Variants in ANO4 observed in about 807,000 individuals in gnomAD.
The protein encoded by ANO4 is anoctamin-4.
ANO4 carries 69 observed loss-of-function variants against 141.9 expected under a neutral mutation model. The ratio of observed to expected loss-of-function variants is 0.49; its 90% CI spans 0.40 to 0.59. The LOEUF (loss-of-function observed/expected upper bound fraction) is 0.59. ANO4 is among the 20% of genes least tolerant of loss of function. ANO4 has a pLI of 0.00. For missense variants in ANO4, 894 were observed against 1,162.2 expected, an observed-to-expected ratio of 0.77 and a Z score of 3.36; for synonymous variants, 350 against 394.3, an observed-to-expected ratio of 0.89 and a Z score of 1.33.
chr12:100,864,211 T>C (rs1205400250), intron 1 of ANO4, among the ~76,000 whole-genome samples: 3 of 152,160 alleles, frequency 2.0e-5, no homozygotes, highest in African/African-American at 4.8e-5. Context: ...AATGCAATAT[T>C]CTAATTGGCC....
At chr12:100,806,363 G>C (rs1025607999) in intron 1 of ANO4, among the ~76,000 whole-genome samples, 1 of 151,936 alleles carries the variant, frequency 6.6e-6, no homozygotes, top group Non-Finnish European at 1.5e-5. Context: ...CTAATCTGCT[G>C]GGTGAAAAGT....
chr12:101,014,088 C>T (rs1409365371), intron 8 of ANO4, among the ~76,000 whole-genome samples: 1 of 152,036 alleles, frequency 6.6e-6, no homozygotes, highest in African/African-American at 2.4e-5. Flanking sequence ...TTTGCATTCC[C>T]CTCTCAAAAT....
intron 17 of ANO4, among the ~76,000 whole-genome samples, chr12:101,090,234 C>A (rs1337597601): frequency 6.6e-6 from 1 of 152,190 alleles, no homozygotes. Context: ...TTGGCCCAGC[C>A]ATCCCATTAC....
intron 8 of ANO4, among the ~76,000 whole-genome samples, chr12:101,002,784 A>G (rs1333658119): frequency 1.3e-5 from 2 of 152,184 alleles, no homozygotes; most frequent in Non-Finnish European, 2.9e-5. Context: ...ACTGTGTTCT[A>G]CACAAAGCCC....
intron 1 of ANO4, among the ~76,000 whole-genome samples, chr12:100,889,330 G>A (rs1280911436): frequency 3.9e-5 from 6 of 151,924 alleles, no homozygotes; most frequent in Non-Finnish European, 7.4e-5. Flanking sequence ...GAATAGTGCC[G>A]CAGTAAACAT....
At chr12:100,921,219 G>C (rs1406519077) in intron 2 of ANO4, among the ~76,000 whole-genome samples, 1 of 152,018 alleles carries the variant, frequency 6.6e-6, no homozygotes, top group East Asian at 1.9e-4. Flanking sequence ...CCCTCCCAAG[G>C]CTTATTTTCT....
rs964870077 is a variant in ANO4 at position 101,001,568 on chromosome 12, T to C, written c.734+13898T>C. On this transcript the variant is annotated intron_variant, in intron 8 of 27. Coordinates refer to ENST00000392977, the MANE Select transcript of ANO4 (RefSeq NM_001286615.2). Reference sequence around the variant, plus strand: ...GGAGTTAGAACCCAAATCTGTCTCATTGCAAACCCATGCTCCTTCCATAAT... The same window carrying C: ...GGAGTTAGAACCCAAATCTGTCTCACTGCAAACCCATGCTCCTTCCATAAT... Among the ~76,000 whole-genome samples, 4 of 152,312 alleles carry C rather than the reference T, an allele frequency of 2.6e-5. No homozygotes were observed. The South Asian group carries it at 6.2e-4, about 24-fold the overall frequency.
chr12:100,997,772 T>A (rs1404065622), intron 8 of ANO4, among the ~76,000 whole-genome samples: 2 of 152,106 alleles, frequency 1.3e-5, no homozygotes, highest in African/African-American at 4.8e-5. Context: ...ATGGGTTGCT[T>A]TTTGACTCTG....
chr12:100,980,375 A>G (rs1013942623), intron 7 of ANO4, among the ~76,000 whole-genome samples: 2 of 152,216 alleles, frequency 1.3e-5, no homozygotes, highest in Non-Finnish European at 2.9e-5. Context: ...TCTTCATTTC[A>G]CATCAGAACA....
At chr12:100,840,983 C>T (rs984559792) in intron 1 of ANO4, among the ~76,000 whole-genome samples, 6 of 152,054 alleles carry the variant, frequency 3.9e-5, no homozygotes, top group African/African-American at 7.2e-5. Context: ...ATGCCTGGAA[C>T]GTTGGTTGAC....
intron 1 of ANO4, among the ~76,000 whole-genome samples, chr12:100,867,677 C>A (rs2038821335): frequency 6.6e-6 from 1 of 152,116 alleles, no homozygotes; most frequent in Admixed American, 6.5e-5. Context: ...CCCCATGGCC[C>A]AGTCAGGTTG....
At chr12:100,945,404 A>C (rs1211396399) in intron 5 of ANO4, among the ~76,000 whole-genome samples, 1 of 152,212 alleles carries the variant, frequency 6.6e-6, no homozygotes, top group Admixed American at 6.5e-5. Context: ...CTGCAATTCA[A>C]CTTTCATAAT....
At chr12:100,911,616 C>A (rs949322620) in intron 2 of ANO4, among the ~76,000 whole-genome samples, 8 of 152,084 alleles carry the variant, frequency 5.3e-5, no homozygotes, top group African/African-American at 1.9e-4. Flanking sequence ...TAATAAAATT[C>A]ATTCCTATTT....
intron 3 of ANO4, among the ~76,000 whole-genome samples, chr12:100,779,746 G>C (rs1453790115): frequency 6.6e-6 from 1 of 152,060 alleles, no homozygotes; most frequent in African/African-American, 2.4e-5. Flanking sequence ...GCCATTGCTT[G>C]TCTGTTCTGT....
intron 1 of ANO4, among the ~76,000 whole-genome samples, chr12:100,798,309 T>C (rs904461812): frequency 6.6e-6 from 1 of 152,174 alleles, no homozygotes; most frequent in Non-Finnish European, 1.5e-5. Context: ...TACCATCTCT[T>C]TGAGCCCCTT....
intron 5 of ANO4, among the ~76,000 whole-genome samples, chr12:100,954,386 T>C (rs766432395): frequency 2.6e-5 from 4 of 152,156 alleles, no homozygotes; most frequent in African/African-American, 7.2e-5. Context: ...TCTCAAAACT[T>C]ACCTGGAGCT....
chr12:100,792,301 A>G (rs2034073483), upstream of ANO4, among the ~76,000 whole-genome samples: 1 of 152,186 alleles, frequency 6.6e-6, no homozygotes, highest in South Asian at 2.1e-4. Flanking sequence ...CAGGTACATA[A>G]TTCAGTTTAT....
At chr12:101,099,859 G>C in intron 22 of ANO4, 139 bp downstream of exon 22, 1 of 621,292 alleles carries the variant, frequency 1.6e-6, no homozygotes, top group Non-Finnish European at 2.5e-6. Context: ...GGCATGTCCT[G>C]CTTAAACTGT....
intron 7 of ANO4, among the ~76,000 whole-genome samples, chr12:100,981,617 G>T (rs980969824): frequency 6.6e-6 from 1 of 152,092 alleles, no homozygotes; most frequent in Admixed American, 6.6e-5. Context: ...TCTTTACTGG[G>T]GAAAAGTAGG....
Sources: allele counts gnomAD v4.1 joint callset (sites outside exome capture counted in the v4.1 genomes callset), GRCh38; gene constraint gnomAD v4.1.1; transcripts MANE v1.5; gene names NCBI Gene and HGNC (gene_info 2026-07-23, HGNC 2026-07-21).